The following TFDP2 variants were observed in gnomAD, a reference collection of about 807,000 sequenced individuals.
TFDP2 encodes the protein transcription factor Dp-2.
In TFDP2, 17 loss-of-function variants were observed where a neutral mutation model predicts 59.3. The observed-to-expected ratio is 0.29, with a 90% CI of 0.20 to 0.43. The LOEUF is 0.43. TFDP2 is among the 20% of genes least tolerant of loss of function. The pLI, the probability that TFDP2 is intolerant of heterozygous loss-of-function variation, is 1.00. For missense variants in TFDP2, 391 were observed against 528.8 expected, an observed-to-expected ratio of 0.74 and a Z score of 2.56; for synonymous variants, 180 against 194.7, an observed-to-expected ratio of 0.92 and a Z score of 0.63.
In TFDP2 at chr3:141,951,578, C is replaced by A. The variant is rs1935942977; in HGVS notation, c.*935G>T. 4 of 152,650 alleles carry A rather than the reference C, an allele frequency of 2.6e-5. No homozygotes were observed. Among genetic ancestry groups the A allele is most frequent in the Admixed American group, 2.6e-4 (4 of 15,280 alleles). 9.5% of individuals were successfully genotyped at this position (152,650 alleles called of 1,614,324 possible). ...ACATTTGGTTCATTTTCACAAATTG[C>A]ACACTGGGTGAGATCATACAATTAC... On this transcript the variant is annotated 3_prime_UTR_variant, in exon 13 of 13. Transcript: ENST00000489671.
At chr3:141,991,859 A>G (rs1343078502) in intron 6 of TFDP2, among the ~76,000 whole-genome samples, 1 of 152,106 alleles carries the variant, frequency 6.6e-6, no homozygotes, top group African/African-American at 2.4e-5. Context: ...CCTGGCCAAC[A>G]TGGTGAAACC....
At chr3:142,004,381 G>A (rs1193296059) in intron 4 of TFDP2, among the ~76,000 whole-genome samples, 1 of 152,194 alleles carries the variant, frequency 6.6e-6, no homozygotes, top group Non-Finnish European at 1.5e-5. Flanking sequence ...CCACAGTGCT[G>A]TTGTACATTA....
chr3:141,959,039 A>C (rs60531463), intron 11 of TFDP2, among the ~76,000 whole-genome samples: 3 of 136,094 alleles, frequency 2.2e-5, no homozygotes, highest in African/African-American at 8.5e-5. Flanking sequence ...TGCAACCTCC[A>C]CCTCCCAGGT....
intron 3 of TFDP2, among the ~76,000 whole-genome samples, chr3:142,050,646 C>T (rs544439423): frequency 4.6e-5 from 7 of 150,694 alleles, no homozygotes; most frequent in South Asian, 2.1e-4. Context: ...CAGTGAGTCA[C>T]GATCACGCCA....
At chr3:142,041,878 G>A (rs1422809224) in intron 3 of TFDP2, among the ~76,000 whole-genome samples, 2 of 151,990 alleles carry the variant, frequency 1.3e-5, no homozygotes, top group Non-Finnish European at 2.9e-5. Flanking sequence ...TTTTGCATAC[G>A]GACTTTGATT....
At chr3:142,009,655 A>T (rs1188667018) in intron 3 of TFDP2, among the ~76,000 whole-genome samples, 4 of 151,820 alleles carry the variant, frequency 2.6e-5, no homozygotes, top group Non-Finnish European at 4.4e-5. Flanking sequence ...GGTTGCAGAC[A>T]GCCAAGATAG....
intron 1 of TFDP2, among the ~76,000 whole-genome samples, chr3:142,110,569 A>G (rs1334813173): frequency 2.0e-5 from 3 of 152,150 alleles, no homozygotes; most frequent in Non-Finnish European, 2.9e-5. Context: ...AGATACATGA[A>G]TAATGTTATC....
At chr3:142,081,425 A>C (rs1200548751) in intron 3 of TFDP2, among the ~76,000 whole-genome samples, 1 of 152,166 alleles carries the variant, frequency 6.6e-6, no homozygotes, top group African/African-American at 2.4e-5. Flanking sequence ...CATCTTAAAG[A>C]GCTAGAAAAG....
intron 3 of TFDP2, among the ~76,000 whole-genome samples, chr3:142,069,762 C>T (rs990439605): frequency 2.0e-5 from 3 of 152,060 alleles, no homozygotes; most frequent in South Asian, 2.1e-4. Context: ...CATCCACCAC[C>T]ATGCCTGGCT....
chr3:142,015,126 T>C lies in TFDP2; in HGVS notation c.83-9582A>G, dbSNP rs1403374684. Among the ~76,000 whole-genome samples, 50 of 151,896 alleles carry C rather than the reference T, an allele frequency of 3.3e-4. 1 individual carries two copies. The highest frequency in any genetic ancestry group is 3.1e-3 in the Admixed American group (48 of 15,258). ...GGTTCTCCTCCCAACCTACTGGCCA[T>C]TCCTTCTCAGCCTTAGTTGTTGGCT... On this transcript the variant is annotated intron_variant, in intron 3 of 12. Transcript: ENST00000489671.
chr3:142,095,072 C>G (rs764826151), intron 2 of TFDP2, among the ~76,000 whole-genome samples: 1 of 151,906 alleles, frequency 6.6e-6, no homozygotes, highest in Non-Finnish European at 1.5e-5. Flanking sequence ...CTTACTGTAA[C>G]CTCTGCGTCC....
At chr3:142,092,939 G>A (rs1347475669) in intron 3 of TFDP2, 122 bp downstream of exon 3, 2 of 647,034 alleles carry the variant, frequency 3.1e-6, no homozygotes, top group African/African-American at 3.7e-5. Context: ...TATGTGGCAT[G>A]GAACAACGTG....
intron 3 of TFDP2, among the ~76,000 whole-genome samples, chr3:142,040,034 C>T (rs1946882600): frequency 6.6e-6 from 1 of 152,108 alleles, no homozygotes; most frequent in Non-Finnish European, 1.5e-5. Flanking sequence ...ACACAAAATA[C>T]CATCTACCTC....
At chr3:141,968,333 A>C (rs1254141196) in intron 9 of TFDP2, among the ~76,000 whole-genome samples, 1 of 127,098 alleles carries the variant, frequency 7.9e-6, no homozygotes, top group South Asian at 2.2e-4. Context: ...CATATAATAT[A>C]TATAATATAT....
At chr3:141,986,643 C>T (rs1417631717) in intron 6 of TFDP2, among the ~76,000 whole-genome samples, 1 of 152,060 alleles carries the variant, frequency 6.6e-6, no homozygotes, top group Non-Finnish European at 1.5e-5. Context: ...TGAATGTGTG[C>T]ACAAATTTCT....
chr3:142,065,087 C>T (rs1046723892), intron 3 of TFDP2, among the ~76,000 whole-genome samples: 5 of 151,856 alleles, frequency 3.3e-5, no homozygotes, highest in Non-Finnish European at 7.4e-5. Flanking sequence ...TAAAGCAACT[C>T]GCTGGGATGA....
chr3:142,058,771 C>T (rs1576864975), intron 3 of TFDP2, among the ~76,000 whole-genome samples: 1 of 152,142 alleles, frequency 6.6e-6, no homozygotes, highest in East Asian at 1.9e-4. Context: ...TCACTGTGTC[C>T]ACCAACCCAG....
At position 141,952,305 on chromosome 3, in the gene TFDP2, TC is replaced by T. The variant is rs1290518351; in HGVS notation, c.*207del. ...CTTTCTTTGTTATATCATCTACTGC[TC>T]TGTTGGCCAGACTTTCATTCACACT... On this transcript the variant is annotated 3_prime_UTR_variant, in exon 13 of 13. Transcript: ENST00000489671. 4.3e-6 allele frequency: 2 copies of T among 466,486 alleles called. No homozygotes were observed. The highest frequency in any genetic ancestry group is 7.4e-6 in the Non-Finnish European group (2 of 271,902). 28.9% of individuals were successfully genotyped at this position (466,486 alleles called of 1,614,324 possible). A position where few individuals can be genotyped will look rare whatever the true frequency, so the allele number is the denominator to read the frequency against.
At chr3:142,066,498 A>G (rs2060078298) in intron 3 of TFDP2, among the ~76,000 whole-genome samples, 1 of 152,244 alleles carries the variant, frequency 6.6e-6, no homozygotes, top group African/African-American at 2.4e-5. Flanking sequence ...ATTTTATAAT[A>G]AAGTGTTGAA....
Sources: gnomAD v4.1 joint callset for allele counts (sites outside exome capture counted in the v4.1 genomes callset) on GRCh38, gnomAD v4.1.1 for gene constraint, MANE v1.5 for transcripts, NCBI Gene and HGNC (gene_info 2026-07-23, HGNC 2026-07-21) for gene names.